The following TNKS variants were observed in gnomAD, a reference collection of about 807,000 sequenced individuals.
The protein encoded by TNKS is poly [ADP-ribose] polymerase tankyrase-1.
TNKS carries 72 observed loss-of-function variants against 135.8 expected under a neutral mutation model. The observed-to-expected ratio is 0.53, with a 90% CI of 0.44 to 0.64. TNKS has a LOEUF of 0.64. Ranked by LOEUF, TNKS falls within the 30% of genes least tolerant of loss-of-function variation. The pLI is 0.00. For missense variants in TNKS, 1,769 were observed against 1,674.0 expected (o/e 1.06, Z -0.99); for synonymous variants, 849 against 649.3 (o/e 1.31, Z -4.68).
intron 5 of TNKS, among the ~76,000 whole-genome samples, chr8:9,698,192 C>T (rs921872185): frequency 6.6e-6 from 1 of 151,970 alleles, no homozygotes; most frequent in Non-Finnish European, 1.5e-5. Flanking sequence ...TAAGTGGGAT[C>T]TAAACATTGA....
intron 26 of TNKS, among the ~76,000 whole-genome samples, chr8:9,771,355 GGA>G (rs201187171): frequency 2.2e-4 from 22 of 99,608 alleles, no homozygotes; most frequent in Non-Finnish European, 3.3e-4. Context: ...AAGCAGGGAG[GGA>G]GAGAGAGAGG....
At chr8:9,617,458 A>C (rs1799689077) in intron 3 of TNKS, among the ~76,000 whole-genome samples, 1 of 152,376 alleles carries the variant, frequency 6.6e-6, no homozygotes. Flanking sequence ...GAAATGATCT[A>C]CAGCTTTTCA....
intron 13 of TNKS, among the ~76,000 whole-genome samples, chr8:9,730,477 C>T (rs544895307): frequency 1.1e-3 from 171 of 152,146 alleles, no homozygotes; most frequent in Admixed American, 1.6e-3. Flanking sequence ...ACATTAGAGA[C>T]GGCAAGAGCT....
chr8:9,634,475 TAA>T (rs1800428343), intron 3 of TNKS, among the ~76,000 whole-genome samples: 2 of 152,092 alleles, frequency 1.3e-5, no homozygotes, highest in African/African-American at 2.4e-5. Context: ...GACTTCTTAT[TAA>T]GTTTGTTGTT....
intron 3 of TNKS, among the ~76,000 whole-genome samples, chr8:9,659,900 G>A (rs1298783084): frequency 6.6e-6 from 1 of 151,998 alleles, no homozygotes; most frequent in Non-Finnish European, 1.5e-5. Flanking sequence ...AATGATAAAG[G>A]GGATACCACC....
intron 26 of TNKS, among the ~76,000 whole-genome samples, chr8:9,771,058 A>G (rs1160380015): frequency 1.3e-5 from 2 of 152,076 alleles, no homozygotes; most frequent in Non-Finnish European, 2.9e-5. Context: ...GTGTGTGTAC[A>G]CCCATGTAAA....
chr8:9,621,266 C>T (rs1468774458), intron 3 of TNKS, among the ~76,000 whole-genome samples: 1 of 151,338 alleles, frequency 6.6e-6, no homozygotes, highest in East Asian at 1.9e-4. Context: ...CTGCAGCTGT[C>T]ACATCAGACA....
At chr8:9,753,935 G>C (rs1347579682) in intron 20 of TNKS, among the ~76,000 whole-genome samples, 1 of 152,194 alleles carries the variant, frequency 6.6e-6, no homozygotes, top group Non-Finnish European at 1.5e-5. Context: ...GAGGCTGTAG[G>C]GGAGAATCTA....
At chr8:9,711,793 T>C (rs149082653) in intron 11 of TNKS, among the ~76,000 whole-genome samples, 1 of 152,294 alleles carries the variant, frequency 6.6e-6, no homozygotes, top group Non-Finnish European at 1.5e-5. Context: ...GTTTTGAACA[T>C]AGATTTTTAG....
At position 9,780,666 on chromosome 8, in the gene TNKS, T is replaced by C. The variant is rs1298982055; in HGVS notation, c.*3930T>C. 6.6e-6 allele frequency: 1 copy of C among 152,244 alleles called. No individual in the cohort carries two copies. Among genetic ancestry groups the C allele is most frequent in the East Asian group, 1.9e-4 (1 of 5,204 alleles). 9.4% of individuals were successfully genotyped at this position (152,244 alleles called of 1,614,324 possible). A position where few individuals can be genotyped will look rare whatever the true frequency, so the allele number is the denominator to read the frequency against. On this transcript the variant is annotated 3_prime_UTR_variant, in exon 27 of 27. Transcript: ENST00000310430. ...AGAAAGCCTTAACTATGGCGGAAACTTTTTAACCTTTTATATTTTAATAAA... is the reference window on the plus strand; with the variant it reads ...AGAAAGCCTTAACTATGGCGGAAACCTTTTAACCTTTTATATTTTAATAAA...
intron 17 of TNKS, among the ~76,000 whole-genome samples, chr8:9,741,350 A>G (rs1451416112): frequency 6.6e-6 from 1 of 152,170 alleles, no homozygotes; most frequent in Non-Finnish European, 1.5e-5. Flanking sequence ...TATAATAATG[A>G]ACTGATCTAG....
intron 26 of TNKS, chr8:9,772,547 G>C: frequency 2.6e-6 from 1 of 379,212 alleles, no homozygotes; most frequent in Admixed American, 3.2e-5. Context: ...AGGCCCAAGA[G>C]ACATGAAAAC....
intron 20 of TNKS, among the ~76,000 whole-genome samples, chr8:9,757,232 C>G (rs1471079781): frequency 6.6e-6 from 1 of 152,178 alleles, no homozygotes; most frequent in African/African-American, 2.4e-5. Context: ...GCCTTGGCCT[C>G]CCAAAGTGCT....
intron 3 of TNKS, among the ~76,000 whole-genome samples, chr8:9,640,063 G>A (rs1388084108): frequency 2.6e-5 from 4 of 152,096 alleles, no homozygotes; most frequent in African/African-American, 4.8e-5. Context: ...ATATATCAAG[G>A]GGTCTTTCTG....
At chr8:9,684,808 T>A (rs571995851) in intron 5 of TNKS, among the ~76,000 whole-genome samples, 1 of 152,202 alleles carries the variant, frequency 6.6e-6, no homozygotes, top group South Asian at 2.1e-4. Context: ...AACTATATGG[T>A]TGATGGTACT....
chr8:9,723,843 C>G (rs1805025293), intron 12 of TNKS, among the ~76,000 whole-genome samples: 1 of 152,148 alleles, frequency 6.6e-6, no homozygotes, highest in Non-Finnish European at 1.5e-5. Flanking sequence ...CGATCTTGAC[C>G]TGAATTCTTG....
intron 3 of TNKS, among the ~76,000 whole-genome samples, chr8:9,666,897 T>C (rs1200021501): frequency 6.6e-6 from 1 of 152,160 alleles, no homozygotes; most frequent in African/African-American, 2.4e-5. Flanking sequence ...TGGAGTGATC[T>C]GTTTTTCAGT....
intron 2 of TNKS, among the ~76,000 whole-genome samples, chr8:9,591,744 A>G (rs916571961): frequency 2.0e-5 from 3 of 152,202 alleles, no homozygotes; most frequent in African/African-American, 7.2e-5. Flanking sequence ...GTATACAGGC[A>G]AAGGTTTTTA....
chr8:9,710,476 A>C, intron 11 of TNKS: 1 of 569,476 alleles, frequency 1.8e-6, no homozygotes, highest in Non-Finnish European at 3.1e-6. Context: ...TTTGAAATAG[A>C]TTTCATCTTT....
Sources: gnomAD v4.1 joint callset for allele counts (sites outside exome capture counted in the v4.1 genomes callset) on GRCh38, gnomAD v4.1.1 for gene constraint, MANE v1.5 for transcripts, NCBI Gene and HGNC (gene_info 2026-07-23, HGNC 2026-07-21) for gene names.